The following PARD3 variants were observed in gnomAD, a reference collection of about 807,000 sequenced individuals.
PARD3 encodes the protein par-3 family cell polarity regulator.
In PARD3, 75 loss-of-function variants were observed where a neutral mutation model predicts 155.4. That is an observed-to-expected ratio of 0.48 (90% CI 0.40 to 0.58). The LOEUF is 0.58. Ranked by LOEUF, PARD3 falls within the 20% of genes least tolerant of loss-of-function variation. The pLI, the probability that PARD3 is intolerant of heterozygous loss-of-function variation, is 0.00. For missense variants in PARD3, 1,642 were observed against 1,721.7 expected, an observed-to-expected ratio of 0.95 and a Z score of 0.82; for synonymous variants, 576 against 610.5, an observed-to-expected ratio of 0.94 and a Z score of 0.83.
intron 22 of PARD3, among the ~76,000 whole-genome samples, chr10:34,150,945 A>G (rs563647534): frequency 2.2e-3 from 329 of 152,310 alleles, no homozygotes; most frequent in African/African-American, 7.4e-3. Context: ...TGTCCCTTCT[A>G]TAGTCTGGCT....
chr10:34,482,637 C>T (rs76002532), intron 3 of PARD3, among the ~76,000 whole-genome samples: 253 of 152,196 alleles, frequency 1.7e-3, no homozygotes, highest in African/African-American at 5.8e-3. Context: ...ATTTACATAC[C>T]TGGTACCAGA....
chr10:34,429,775 C>CA (rs1374448466), intron 5 of PARD3, among the ~76,000 whole-genome samples: 1 of 152,130 alleles, frequency 6.6e-6, no homozygotes, highest in Non-Finnish European at 1.5e-5. Context: ...TTAGTAGAGA[C>CA]ACGGTTTCAC....
At chr10:34,665,757 G>C (rs993756710) in intron 2 of PARD3, among the ~76,000 whole-genome samples, 9 of 151,572 alleles carry the variant, frequency 5.9e-5, no homozygotes, top group Non-Finnish European at 8.8e-5. Flanking sequence ...AGAATCACTT[G>C]AACCCAGGAG....
At chr10:34,243,041 C>T (rs547821657) in intron 22 of PARD3, among the ~76,000 whole-genome samples, 10 of 152,276 alleles carry the variant, frequency 6.6e-5, no homozygotes, top group Admixed American at 3.3e-4. Flanking sequence ...ATCTGTGTTG[C>T]GCTGGTGTTA....
intron 23 of PARD3, among the ~76,000 whole-genome samples, chr10:34,130,947 C>A (rs946631911): frequency 6.6e-6 from 1 of 152,106 alleles, no homozygotes; most frequent in Non-Finnish European, 1.5e-5. Flanking sequence ...TATAGTCCAG[C>A]TACTCTGGTG....
Position 34,306,130 on chromosome 10 carries a change from C to T in PARD3, c.3065+10977G>A, listed in dbSNP as rs114048686. On this transcript the variant is annotated intron_variant, in intron 20 of 24. Coordinates refer to ENST00000374788, the MANE Select transcript of PARD3 (RefSeq NM_001184785.2). Reference sequence around the variant, plus strand: ...CATACATAGTGAAACCCCATCTCTACGAAATTAGGTGGGTGTGGTGGCTCA... The same window carrying T: ...CATACATAGTGAAACCCCATCTCTATGAAATTAGGTGGGTGTGGTGGCTCA... 3.0e-3 allele frequency among the ~76,000 whole-genome samples: 460 copies of T among 151,640 alleles called. 2 individuals carry two copies. The highest frequency in any genetic ancestry group is 0.01 in the African/African-American group (421 of 41,340).
At chr10:34,281,977 A>G (rs1226047151) in intron 21 of PARD3, among the ~76,000 whole-genome samples, 1 of 151,988 alleles carries the variant, frequency 6.6e-6, no homozygotes, top group East Asian at 1.9e-4. Flanking sequence ...ATTTATTTTT[A>G]TTGATTACTC....
At chr10:34,700,840 C>T (rs1351779047) in intron 1 of PARD3, among the ~76,000 whole-genome samples, 2 of 152,056 alleles carry the variant, frequency 1.3e-5, no homozygotes, top group Non-Finnish European at 2.9e-5. Context: ...GGCATGGTGG[C>T]GTGCGCCTGT....
In PARD3 at chr10:34,503,161, A is replaced by G. The variant is rs12771184; in HGVS notation, c.403+13818T>C. On this transcript the variant is annotated intron_variant, in intron 3 of 24. Coordinates refer to ENST00000374788, the MANE Select transcript of PARD3 (RefSeq NM_001184785.2). ...GTTCTAAGCCACAAATCATTAGGCT[A>G]TAACATCTCTGCCAAGCAATACAAT... is the stretch of plus-strand genomic sequence containing the variant. 1.4e-3 allele frequency among the ~76,000 whole-genome samples: 220 copies of G among 152,254 alleles called. 1 individual carries two copies. Among genetic ancestry groups the G allele is most frequent in the Non-Finnish European group, 2.6e-3 (180 of 68,048 alleles).
chr10:34,705,071 G>C (rs890330264), intron 1 of PARD3, among the ~76,000 whole-genome samples: 1 of 151,952 alleles, frequency 6.6e-6, no homozygotes. Flanking sequence ...AATATATTCT[G>C]AAGTTCTGTT....
chr10:34,192,641 C>T (rs1013863903), intron 22 of PARD3, among the ~76,000 whole-genome samples: 8 of 152,166 alleles, frequency 5.3e-5, no homozygotes, highest in Admixed American at 3.3e-4. Context: ...CTCACATGGC[C>T]CCAAAGAGTA....
At chr10:34,486,894 A>G (rs762212400) in intron 3 of PARD3, among the ~76,000 whole-genome samples, 25 of 152,116 alleles carry the variant, frequency 1.6e-4, no homozygotes, top group Non-Finnish European at 3.2e-4. Context: ...TGTGATTTTT[A>G]AAAATGTGAA....
intron 2 of PARD3, among the ~76,000 whole-genome samples, chr10:34,632,837 T>C (rs1035465978): frequency 2.0e-5 from 3 of 152,192 alleles, no homozygotes; most frequent in Admixed American, 6.5e-5. Flanking sequence ...ATCATTCCGA[T>C]TGTGATTTTT....
Position 34,343,563 on chromosome 10 carries a change from AT to A in PARD3, c.2219-1748del, listed in dbSNP as rs1167071999. ...ATTTCCACAAGATTTGAAAACCCAT[AT>A]TTTCCACTTCTTAACATGCTTGCCA... On this transcript the variant is annotated intron_variant, in intron 15 of 24. Coordinates refer to ENST00000374788, the MANE Select transcript of PARD3 (RefSeq NM_001184785.2). 7.1e-6 allele frequency: 7 copies of A among 985,124 alleles called. No homozygotes were observed. The Admixed American group carries it at 4.3e-4, about 61-fold the overall frequency. The allele number at this position is 985,124 out of a possible 1,614,324, so 61.0% of individuals were successfully genotyped here.
chr10:34,272,447 C>T (rs1336337720), intron 21 of PARD3, among the ~76,000 whole-genome samples: 1 of 152,078 alleles, frequency 6.6e-6, no homozygotes, highest in Admixed American at 6.6e-5. Context: ...TTTTTTAAAA[C>T]AGTCAGCCTT....
chr10:34,788,180 CT>C (rs2134223049), intron 1 of PARD3, among the ~76,000 whole-genome samples: 1 of 152,202 alleles, frequency 6.6e-6, no homozygotes, highest in Non-Finnish European at 1.5e-5. Flanking sequence ...CATCAGGAAA[CT>C]TTTGAATTTC....
At chr10:34,808,816 A>G (rs1212902865) in intron 1 of PARD3, among the ~76,000 whole-genome samples, 1 of 152,156 alleles carries the variant, frequency 6.6e-6, no homozygotes, top group African/African-American at 2.4e-5. Flanking sequence ...CATGTCTACC[A>G]CAAGCCAAGA....
chr10:34,248,822 C>G (rs1161644499), intron 22 of PARD3, among the ~76,000 whole-genome samples: 2 of 152,198 alleles, frequency 1.3e-5, no homozygotes, highest in African/African-American at 2.4e-5. Context: ...CATACTCACA[C>G]AAAGCAAGCC....
intron 2 of PARD3, among the ~76,000 whole-genome samples, chr10:34,527,290 T>C (rs1332277243): frequency 2.0e-5 from 3 of 152,200 alleles, no homozygotes; most frequent in Non-Finnish European, 4.4e-5. Context: ...AGAACTAGCC[T>C]TGTTTCCAAG....
Sources: gnomAD v4.1 joint callset for allele counts (sites outside exome capture counted in the v4.1 genomes callset) on GRCh38, gnomAD v4.1.1 for gene constraint, MANE v1.5 for transcripts, NCBI Gene and HGNC (gene_info 2026-07-23, HGNC 2026-07-21) for gene names.